DDX19B: variants seen among roughly 807,000 people sequenced by gnomAD.
DDX19B encodes DEAD-box helicase 19B.
A neutral mutation model predicts 58.1 loss-of-function variants in DDX19B; 27 were observed. That is an observed-to-expected ratio of 0.46 (90% confidence interval 0.34 to 0.64). The LOEUF (loss-of-function observed/expected upper bound fraction) is 0.64, where lower values mean the gene tolerates loss of function less well. Ranked by LOEUF, DDX19B falls within the 30% of genes least tolerant of loss-of-function variation. DDX19B has a pLI of 0.01. For missense variants in DDX19B, 399 were observed against 596.5 expected (o/e 0.67, Z 3.45); for synonymous variants, 187 against 214.4 (o/e 0.87, Z 1.12).
intron 4 of DDX19B, 179 bp from the exon 5 acceptor site, chr16:70,317,317 G>T: frequency 5.1e-6 from 2 of 391,282 alleles, no homozygotes; most frequent in Non-Finnish European, 4.6e-6. Flanking sequence ...GAAGGTGGAT[G>T]TTGCAGTGAG....
At chr16:70,295,780 T>C (rs1369597751), upstream of DDX19B, among the ~76,000 whole-genome samples, 1 of 151,982 alleles carries the variant, frequency 6.6e-6, no homozygotes. Context: ...CAGGTGAACC[T>C]CTTGAACTCA....
At chr16:70,293,929 A>G (rs60828997), upstream of DDX19B, among the ~76,000 whole-genome samples, 14,219 of 151,416 alleles carry the variant, frequency 0.094, 2,169 homozygotes, top group African/African-American at 0.32. Context: ...ATTTTTAAGA[A>G]CCTCTAAAGG....
chr16:70,294,068 CTGA>C (rs1418704644), upstream of DDX19B, among the ~76,000 whole-genome samples: 1 of 146,884 alleles, frequency 6.8e-6, no homozygotes, highest in East Asian at 2.0e-4. Flanking sequence ...GCCTGAGAGC[CTGA>C]ATTTTTTTTT....
intron 7 of DDX19B, among the ~76,000 whole-genome samples, chr16:70,326,110 G>A (rs1428902238): frequency 2.0e-5 from 3 of 152,262 alleles, no homozygotes; most frequent in East Asian, 3.9e-4. Flanking sequence ...ATCTAGAATT[G>A]TACCCCTACC....
At chr16:70,322,690 T>C (rs1962905483) in intron 5 of DDX19B, among the ~76,000 whole-genome samples, 1 of 150,408 alleles carries the variant, frequency 6.6e-6, no homozygotes, top group Middle Eastern at 3.5e-3. Context: ...AGGTCAGCAG[T>C]TCACCAGCCT....
At chr16:70,291,446 A>G (rs931285203), upstream of DDX19B, among the ~76,000 whole-genome samples, 4 of 152,186 alleles carry the variant, frequency 2.6e-5, no homozygotes, top group Non-Finnish European at 5.9e-5. Flanking sequence ...AATCTCAATA[A>G]TTTAGTTCTG....
upstream of DDX19B, among the ~76,000 whole-genome samples, chr16:70,295,661 G>C (rs528976139): frequency 2.6e-5 from 4 of 152,196 alleles, no homozygotes; most frequent in Admixed American, 6.6e-5. Flanking sequence ...GGGAATCTAA[G>C]TATTTGTTAT....
intron 2 of DDX19B, 47 bp from the exon 3 acceptor site, chr16:70,314,855 G>C (rs1406914113): frequency 6.3e-7 from 1 of 1,595,040 alleles, no homozygotes; most frequent in African/African-American, 1.3e-5. Context: ...CTCAACTGTT[G>C]GGTATGGGAT....
chr16:70,315,640 T>A (rs1597479759), intron 3 of DDX19B: 1 of 183,326 alleles, frequency 5.5e-6, no homozygotes, highest in East Asian at 1.4e-4. Flanking sequence ...TTTTTTATTG[T>A]TGTGATTGCT....
Position 70,299,237 on chromosome 16 carries a change from A to C in DDX19B, c.-61A>C. The C allele has an allele frequency of 1.3e-6, 2 of 1,483,426 alleles. No homozygotes were observed. The highest frequency in any genetic ancestry group is 9.0e-7 in the Non-Finnish European group (1 of 1,115,162). 91.9% of individuals were successfully genotyped at this position (1,483,426 alleles called of 1,614,324 possible). On this transcript the variant is annotated 5_prime_UTR_variant, in exon 1 of 12. Coordinates refer to ENST00000288071, the MANE Select transcript of DDX19B (RefSeq NM_007242.7). ...AGCCTGCCGCGAACCCCCGGAGCCCACGATCCCTCGTGCCATCCCTCGAAT... is the reference window on the plus strand; with the variant it reads ...AGCCTGCCGCGAACCCCCGGAGCCCCCGATCCCTCGTGCCATCCCTCGAAT...
chr16:70,320,170 T>G (rs1962689537), intron 5 of DDX19B, among the ~76,000 whole-genome samples: 1 of 151,942 alleles, frequency 6.6e-6, no homozygotes, highest in Admixed American at 6.6e-5. Flanking sequence ...AGTACAGCAG[T>G]GTAGTCATAG....
intron 10 of DDX19B, among the ~76,000 whole-genome samples, chr16:70,332,103 G>A (rs975800416): frequency 6.6e-6 from 1 of 152,178 alleles, no homozygotes; most frequent in Non-Finnish European, 1.5e-5. Context: ...AAATGTACAG[G>A]CATCTGACTG....
chr16:70,325,655 C>A lies in DDX19B; in HGVS notation c.574C>A (p.Leu192Met). 3.1e-6 allele frequency: 5 copies of A among 1,614,024 alleles called. No homozygotes were observed. The highest frequency in any genetic ancestry group is 1.3e-5 in the African/African-American group (1 of 75,040). ...ACAAATGGGCAAATTTTACCCTGAA[C>A]TGAAGCTAGCTTATGCTGTTCGAGG... ...IEQMGKFYPELKLAYAVRGNK... is the reference protein window; with the variant it reads ...IEQMGKFYPEMKLAYAVRGNK... The change falls in exon 7 of 12, where the codon CTG becomes ATG. Residue 192 changes from leucine to methionine, a missense_variant. Physicochemically the swap from Leu to Met is conservative, Grantham distance 15. Coordinates refer to ENST00000288071, the MANE Select transcript of DDX19B (RefSeq NM_007242.7).
upstream of DDX19B, among the ~76,000 whole-genome samples, chr16:70,297,295 C>T (rs1226180832): frequency 6.6e-6 from 1 of 152,116 alleles, no homozygotes; most frequent in Non-Finnish European, 1.5e-5. Flanking sequence ...TCACTGCAAC[C>T]TTTGCCTTCC....
At chr16:70,307,456 G>A (rs1006751877) in intron 1 of DDX19B, among the ~76,000 whole-genome samples, 1 of 151,960 alleles carries the variant, frequency 6.6e-6, no homozygotes, top group South Asian at 2.1e-4. Context: ...TCTGCCTCCC[G>A]GGTTTAAGCG....
At chr16:70,321,642 T>C (rs1284735852) in intron 5 of DDX19B, among the ~76,000 whole-genome samples, 1 of 152,230 alleles carries the variant, frequency 6.6e-6, no homozygotes, top group Non-Finnish European at 1.5e-5. Context: ...TATTAAAATA[T>C]AACAGGTGAT....
intron 9 of DDX19B, among the ~76,000 whole-genome samples, chr16:70,331,413 A>G (rs1963472566): frequency 6.6e-6 from 1 of 152,224 alleles, no homozygotes; most frequent in African/African-American, 2.4e-5. Flanking sequence ...TACAAAAGTA[A>G]CAGCAGTTAC....
At chr16:70,320,183 C>T (rs1245219231) in intron 5 of DDX19B, among the ~76,000 whole-genome samples, 1 of 151,890 alleles carries the variant, frequency 6.6e-6, no homozygotes, top group African/African-American at 2.4e-5. Context: ...AGTCATAGCT[C>T]ACTGCACCCT....
At chr16:70,308,844 G>A (rs1401660713) in intron 1 of DDX19B, among the ~76,000 whole-genome samples, 1 of 151,324 alleles carries the variant, frequency 6.6e-6, no homozygotes, top group East Asian at 1.9e-4. Context: ...TAGGGTGCAT[G>A]TGCAGGATGT....
Sources: gnomAD v4.1 joint callset for allele counts (sites outside exome capture counted in the v4.1 genomes callset) on GRCh38, gnomAD v4.1.1 for gene constraint, MANE v1.5 for transcripts, NCBI Gene and HGNC (gene_info 2026-07-23, HGNC 2026-07-21) for gene names.